GNAQ: variants seen among roughly 807,000 people sequenced by gnomAD.
GNAQ encodes guanine nucleotide-binding protein G(q) subunit alpha.
A neutral mutation model predicts 43.9 loss-of-function variants in GNAQ; 8 were observed. That is an observed-to-expected ratio of 0.18 (90% CI 0.11 to 0.33). The LOEUF is 0.33. Among genes scored for constraint, GNAQ ranks in the 10% least tolerant of loss-of-function variants. The pLI is 1.00. For missense variants in GNAQ, 158 were observed against 450.8 expected (o/e 0.35, Z 5.88); for synonymous variants, 155 against 170.7 (o/e 0.91, Z 0.71).
chr9:78,030,146 T>C (rs1177839083), intron 1 of GNAQ, among the ~76,000 whole-genome samples: 1 of 152,176 alleles, frequency 6.6e-6, no homozygotes, highest in Non-Finnish European at 1.5e-5. Flanking sequence ...GACATTAAAA[T>C]GCTATCTGTT....
At chr9:77,785,500 A>G (rs1308840111) in intron 5 of GNAQ, among the ~76,000 whole-genome samples, 2 of 152,166 alleles carry the variant, frequency 1.3e-5, no homozygotes, top group Non-Finnish European at 2.9e-5. Context: ...AGTTGAACAT[A>G]TGTATTCCCT....
rs75719410 is a variant in GNAQ at position 77,739,154 on chromosome 9, T to C, written c.736-10487A>G. On this transcript the variant is annotated intron_variant, in intron 5 of 6. Transcript: ENST00000286548. ...AACTTACTCGTTTGATTGTTTCCTC[T>C]TAAGCGGGAGAGCTACCCTTTTAGA... Among the ~76,000 whole-genome samples the C allele has an allele frequency of 6.2e-3, 940 of 152,312 alleles. 9 individuals are homozygous for C. The highest frequency in any genetic ancestry group is 0.027 in the Middle Eastern group (8 of 294).
intron 1 of GNAQ, among the ~76,000 whole-genome samples, chr9:78,015,502 A>C (rs928829450): frequency 6.6e-6 from 1 of 152,224 alleles, no homozygotes; most frequent in Non-Finnish European, 1.5e-5. Context: ...ATTCACACAC[A>C]ATATAAGGAA....
intron 2 of GNAQ, among the ~76,000 whole-genome samples, chr9:77,819,493 G>A (rs1452402735): frequency 2.6e-5 from 4 of 152,054 alleles, no homozygotes; most frequent in Non-Finnish European, 5.9e-5. Context: ...AGCTGAAGGC[G>A]GCTTTAGACT....
intron 2 of GNAQ, among the ~76,000 whole-genome samples, chr9:77,877,929 T>C (rs1217224001): frequency 6.6e-6 from 1 of 152,150 alleles, no homozygotes; most frequent in Non-Finnish European, 1.5e-5. Context: ...CTCCACTGAC[T>C]AAAACTTAAT....
chr9:77,926,705 C>A (rs1829077523), intron 1 of GNAQ, among the ~76,000 whole-genome samples: 2 of 152,034 alleles, frequency 1.3e-5, no homozygotes, highest in African/African-American at 4.8e-5. Flanking sequence ...CAGAAAAAAC[C>A]CTGCTCTTTC....
chr9:77,889,213 G>C (rs1379154375), intron 2 of GNAQ, among the ~76,000 whole-genome samples: 1 of 151,516 alleles, frequency 6.6e-6, no homozygotes, highest in Non-Finnish European at 1.5e-5. Context: ...TCAGGAATTA[G>C]ACCAGCCTAA....
chr9:77,961,977 G>A (rs1823112017), intron 1 of GNAQ, among the ~76,000 whole-genome samples: 1 of 151,906 alleles, frequency 6.6e-6, no homozygotes, highest in Admixed American at 6.6e-5. Context: ...AAAGAGAAAG[G>A]AATGTATTTT....
At chr9:77,831,789 C>A (rs1450149823) in intron 2 of GNAQ, among the ~76,000 whole-genome samples, 1 of 152,120 alleles carries the variant, frequency 6.6e-6, no homozygotes, top group South Asian at 2.1e-4. Flanking sequence ...TGAAATTGTA[C>A]CCTTAAATGA....
intron 5 of GNAQ, among the ~76,000 whole-genome samples, chr9:77,750,061 G>T (rs1427350242): frequency 1.3e-5 from 2 of 151,900 alleles, no homozygotes; most frequent in Non-Finnish European, 2.9e-5. Flanking sequence ...TTTGAAATCT[G>T]GCTGCAGATG....
rs1366359227 is a variant in GNAQ at position 77,716,573 on chromosome 9, TTCAG to T, written c.*4746_*4749del. ...GAAAAGAAATCCACCAAAAACGTGTTTCAGTCAAAGTAACCTGGACAAAGTTACG... is the reference window on the plus strand; with the variant it reads ...GAAAAGAAATCCACCAAAAACGTGTTTCAAAGTAACCTGGACAAAGTTACG... On this transcript the variant is annotated 3_prime_UTR_variant, in exon 7 of 7. Coordinates refer to ENST00000286548, the MANE Select transcript of GNAQ (RefSeq NM_002072.5). The T allele has an allele frequency of 8.6e-6, 2 of 232,806 alleles. No homozygotes were observed. Among genetic ancestry groups the T allele is most frequent in the East Asian group, 1.2e-4 (2 of 16,512 alleles). The allele number at this position is 232,806 out of a possible 1,614,324, so 14.4% of individuals were successfully genotyped here. A position where few individuals can be genotyped will look rare whatever the true frequency, so the allele number is the denominator to read the frequency against.
At chr9:77,924,806 T>C (rs1483603847) in intron 1 of GNAQ, among the ~76,000 whole-genome samples, 2 of 152,050 alleles carry the variant, frequency 1.3e-5, no homozygotes, top group African/African-American at 2.4e-5. Context: ...TCTAAGATAT[T>C]TTCCTGTTGG....
At chr9:77,860,324 T>C (rs1430781866) in intron 2 of GNAQ, among the ~76,000 whole-genome samples, 1 of 152,124 alleles carries the variant, frequency 6.6e-6, no homozygotes, top group Non-Finnish European at 1.5e-5. Flanking sequence ...TGCTAGACAA[T>C]GCCCTGAGGA....
chr9:77,786,194 G>A (rs1024169825), intron 5 of GNAQ, among the ~76,000 whole-genome samples: 1 of 151,838 alleles, frequency 6.6e-6, no homozygotes, highest in Non-Finnish European at 1.5e-5. Context: ...TGGCTAACAC[G>A]GTGAAACCCA....
intron 1 of GNAQ, among the ~76,000 whole-genome samples, chr9:78,020,037 A>G (rs538944114): frequency 6.6e-6 from 1 of 152,262 alleles, no homozygotes; most frequent in Admixed American, 6.5e-5. Flanking sequence ...AAAAGACACA[A>G]GAGAATACAT....
Position 77,847,765 on chromosome 9 carries a change from A to C in GNAQ, c.322-31995T>G, listed in dbSNP as rs530162033. On this transcript the variant is annotated intron_variant, in intron 2 of 6. Coordinates refer to ENST00000286548, the MANE Select transcript of GNAQ (RefSeq NM_002072.5). ...TGGTTGTGCATTTTGGGCCTTGTGC[A>C]AAGGGACATGTGGTGGAGATCAACC... 1.8e-4 allele frequency among the ~76,000 whole-genome samples: 28 copies of C among 152,310 alleles called. No individual in the cohort carries two copies. The South Asian group carries it at 5.8e-3, about 32-fold the overall frequency.
chr9:77,986,532 G>T (rs1411552470), intron 1 of GNAQ, among the ~76,000 whole-genome samples: 1 of 152,130 alleles, frequency 6.6e-6, no homozygotes, highest in Non-Finnish European at 1.5e-5. Flanking sequence ...TTGGGACAGG[G>T]TCTCGTTCTG....
intron 5 of GNAQ, among the ~76,000 whole-genome samples, chr9:77,750,296 C>G (rs764049336): frequency 1.5e-4 from 23 of 152,110 alleles, no homozygotes; most frequent in Non-Finnish European, 2.9e-4. Flanking sequence ...GATATTCAAT[C>G]TTTCTTAAAT....
intron 4 of GNAQ, among the ~76,000 whole-genome samples, chr9:77,797,110 GC>G (rs1826670774): frequency 6.6e-6 from 1 of 151,884 alleles, no homozygotes; most frequent in African/African-American, 2.4e-5. Flanking sequence ...TCGTCTCATT[GC>G]AACCTTCGCC....
Sources: allele counts gnomAD v4.1 joint callset (sites outside exome capture counted in the v4.1 genomes callset), GRCh38; gene constraint gnomAD v4.1.1; transcripts MANE v1.5; gene names NCBI Gene and HGNC (gene_info 2026-07-23, HGNC 2026-07-21).